DCBLD1: variants seen among roughly 807,000 people sequenced by gnomAD.
DCBLD1 encodes discoidin, CUB and LCCL domain-containing protein 1.
Under a neutral mutation model 71.5 loss-of-function variants are expected in DCBLD1, and 57 were observed. That is an observed-to-expected ratio of 0.80 (90% CI 0.64 to 0.99). The LOEUF is 0.99. DCBLD1 is among the 50% of genes least tolerant of loss of function. The pLI, the probability that DCBLD1 is intolerant of heterozygous loss-of-function variation, is 0.00. For missense variants in DCBLD1, 891 were observed against 923.5 expected (o/e 0.96, Z 0.46); for synonymous variants, 380 against 363.8 (o/e 1.04, Z -0.51).
chr6:117,551,572 G>C (rs1452450675), downstream of DCBLD1, among the ~76,000 whole-genome samples: 2 of 151,998 alleles, frequency 1.3e-5, no homozygotes, highest in African/African-American at 4.8e-5. Context: ...GTAGAGACGG[G>C]GTTTCACCGT....
At chr6:117,488,978 A>G (rs145720992) in intron 1 of DCBLD1, among the ~76,000 whole-genome samples, 1 of 152,330 alleles carries the variant, frequency 6.6e-6, no homozygotes, top group East Asian at 1.9e-4. Context: ...TAGGAGCTAC[A>G]TGCTGTGTAA....
intron 2 of DCBLD1, among the ~76,000 whole-genome samples, chr6:117,506,144 A>G (rs1457912166): frequency 2.0e-5 from 3 of 152,086 alleles, no homozygotes; most frequent in Non-Finnish European, 2.9e-5. Context: ...TGGCTCTTAC[A>G]TATATTTTCT....
At chr6:117,516,647 AT>A (rs1422211903) in intron 2 of DCBLD1, among the ~76,000 whole-genome samples, 7 of 152,304 alleles carry the variant, frequency 4.6e-5, no homozygotes, top group African/African-American at 1.4e-4. Flanking sequence ...GTCCATTTTC[AT>A]GCTGCTGATA....
intron 1 of DCBLD1, among the ~76,000 whole-genome samples, chr6:117,502,410 C>G (rs17574718): frequency 0.052 from 7,918 of 152,276 alleles, 335 homozygotes; most frequent in Non-Finnish European, 0.074. Flanking sequence ...TTCCCTAGGC[C>G]TTGGCTGTTG....
chr6:117,504,064 T>G lies in DCBLD1; in HGVS notation c.325+85T>G, dbSNP rs2114428073. The G allele has an allele frequency of 2.9e-6, 4 of 1,391,882 alleles. No individual in the cohort carries two copies. The East Asian group carries it at 9.2e-5, about 32-fold the overall frequency. 86.2% of individuals were successfully genotyped at this position (1,391,882 alleles called of 1,614,324 possible). A position where few individuals can be genotyped will look rare whatever the true frequency, so the allele number is the denominator to read the frequency against. On this transcript the variant is annotated intron_variant, in intron 2 of 14. Transcript: ENST00000338728. Reference sequence around the variant, plus strand: ...GCAAGTGGTGTGTTAATTAACGCTATATCATGAGAAGATTAGAAGAGAAAC... The same window carrying G: ...GCAAGTGGTGTGTTAATTAACGCTAGATCATGAGAAGATTAGAAGAGAAAC...
At chr6:117,552,848 A>C (rs1583040820), downstream of DCBLD1, among the ~76,000 whole-genome samples, 1 of 151,998 alleles carries the variant, frequency 6.6e-6, no homozygotes, top group Non-Finnish European at 1.5e-5. Flanking sequence ...TCAGCTTTCC[A>C]CCTACTTAGT....
At chr6:117,514,235 C>T (rs1052717697) in intron 2 of DCBLD1, among the ~76,000 whole-genome samples, 1 of 152,168 alleles carries the variant, frequency 6.6e-6, no homozygotes, top group African/African-American at 2.4e-5. Context: ...AGCCAGTATT[C>T]AACTCTTATC....
Position 117,540,954 on chromosome 6 carries a change from G to C in DCBLD1, c.1286G>C (p.Ser429Thr). The part of the protein sequence containing the change: ...DSLVWRKTSQ[S>T]TSVSTKKEDE... Reference sequence around the variant, plus strand: ...TTGGTGTGGCGCAAGACAAGTCAAAGCACCAGTGTTTCAACTAAGAAAGAA... The same window carrying C: ...TTGGTGTGGCGCAAGACAAGTCAAACCACCAGTGTTTCAACTAAGAAAGAA... Residue 429 changes from serine (S) to threonine (T), a missense_variant, in exon 11 of 15, where the codon AGC (serine) becomes ACC (threonine). Transcript: ENST00000338728. The C allele has an allele frequency of 6.2e-7, 1 of 1,613,946 alleles. No homozygotes were observed. Among genetic ancestry groups the C allele is most frequent in the Non-Finnish European group, 8.5e-7 (1 of 1,180,036 alleles).
chr6:117,488,239 C>A (rs1331055067), intron 1 of DCBLD1, among the ~76,000 whole-genome samples: 1 of 152,154 alleles, frequency 6.6e-6, no homozygotes, highest in Non-Finnish European at 1.5e-5. Context: ...CGCATGAATG[C>A]TGTGGTTGAG....
At position 117,548,287 on chromosome 6, in the gene DCBLD1, G is replaced by A. The variant is rs1181971894; in HGVS notation, c.1996G>A (p.Asp666Asn). 2 of 1,550,630 alleles carry A rather than the reference G, an allele frequency of 1.3e-6. No individual in the cohort carries two copies. Among genetic ancestry groups the A allele is most frequent in the South Asian group, 2.4e-5 (2 of 84,056 alleles). ...CGCACAGCCTGCGGACAGGGGCTAC[G>A]ACCGGCCCAAAGCTGTCAGCGCCCT... ...HSAQPADRGY[D>N]RPKAVSALAT... Residue 666 changes from aspartate to asparagine, a missense_variant, in exon 15 of 15, where the codon GAC becomes AAC. Asp to Asn is a conservative substitution (Grantham distance 23, BLOSUM62 1). Transcript: ENST00000338728.
intron 1 of DCBLD1, among the ~76,000 whole-genome samples, chr6:117,493,990 TAATTTGTAATC>T (rs1214971735): frequency 6.6e-6 from 1 of 152,206 alleles, no homozygotes; most frequent in Non-Finnish European, 1.5e-5. Flanking sequence ...ATATGTGAAA[TAATTTGTAATC>T]AATTTTTAAA....
At chr6:117,489,539 C>G (rs573864423) in intron 1 of DCBLD1, among the ~76,000 whole-genome samples, 42 of 152,204 alleles carry the variant, frequency 2.8e-4, no homozygotes, top group Non-Finnish European at 4.9e-4. Flanking sequence ...CTCTGTGTTA[C>G]CCCCATACCA....
intron 1 of DCBLD1, among the ~76,000 whole-genome samples, chr6:117,490,126 CCT>C (rs1777240758): frequency 6.6e-6 from 1 of 150,964 alleles, no homozygotes; most frequent in Non-Finnish European, 1.5e-5. Context: ...CACACACACC[CCT>C]ATAGCAAATA....
At chr6:117,490,123 A>ACACC (rs974391077) in intron 1 of DCBLD1, among the ~76,000 whole-genome samples, 12 of 147,826 alleles carry the variant, frequency 8.1e-5, no homozygotes, top group African/African-American at 2.8e-4. Flanking sequence ...ACACACACAC[A>ACACC]CCCCTATAGC....
At chr6:117,563,161 C>G (rs1779620463) in intron 14 of DCBLD1, 1 of 1,192,710 alleles carries the variant, frequency 8.4e-7, no homozygotes, top group South Asian at 1.4e-5. Context: ...AACAAACAGC[C>G]TCCCCTGATT....
At position 117,540,999 on chromosome 6, in the gene DCBLD1, C is replaced by A; in HGVS notation, c.1331C>A (p.Pro444His). 6.2e-7 allele frequency: 1 copy of A among 1,614,156 alleles called. No homozygotes were observed. The highest frequency in any genetic ancestry group is 8.5e-7 in the Non-Finnish European group (1 of 1,180,028). ...AAAGAAGATGAGACAATCACAAGGC[C>A]CATCCCCTCGGAAGAAACATCCACA... ...TKKEDETITR[P>H]IPSEETSTGI... is the part of the protein sequence containing the mutation. Residue 444 changes from proline (P) to histidine (H), a missense_variant, in exon 11 of 15, where the codon CCC becomes CAC. Transcript: ENST00000338728.
intron 11 of DCBLD1, among the ~76,000 whole-genome samples, chr6:117,541,229 A>C (rs1301915784): frequency 2.0e-5 from 3 of 152,206 alleles, no homozygotes; most frequent in African/African-American, 7.2e-5. Flanking sequence ...GAATGAACTT[A>C]TGTGCCCTTC....
Position 117,487,065 on chromosome 6 carries a change from G to A in DCBLD1, c.112+4172G>A, listed in dbSNP as rs182080873. Among the ~76,000 whole-genome samples the A allele has an allele frequency of 3.1e-3, 479 of 152,140 alleles. 6 individuals are homozygous for A. Among genetic ancestry groups the A allele is most frequent in the Admixed American group, 0.029 (440 of 15,278 alleles). On this transcript the variant is annotated intron_variant, in intron 1 of 14. Transcript: ENST00000338728. ...CCCCCTCCAACCCAGCCCCATACAC[G>A]GAAAAATTGTCCTTCACGAAACCCG...
rs34912807 is a variant in DCBLD1, at chr6:117,490,093, G to GCACACACACACACA, written c.112+7218_112+7231dup. ...TAGTTCTATATATTTTTATGTAAAT[G>GCACACACACACACA]CACACACACACACACACACACACAC... On this transcript the variant is annotated intron_variant, in intron 1 of 14. Coordinates refer to ENST00000338728, the MANE Select transcript of DCBLD1 (RefSeq NM_001366458.2). 3.9e-4 allele frequency among the ~76,000 whole-genome samples: 58 copies of GCACACACACACACA among 147,310 alleles called. 1 individual carries two copies. Among genetic ancestry groups the GCACACACACACACA allele is most frequent in the Admixed American group, 2.1e-3 (31 of 14,644 alleles).
Sources: gnomAD v4.1 joint callset for allele counts (sites outside exome capture counted in the v4.1 genomes callset) on GRCh38, gnomAD v4.1.1 for gene constraint, MANE v1.5 for transcripts, NCBI Gene and HGNC (gene_info 2026-07-23, HGNC 2026-07-21) for gene names.